Variants in PTPRU observed in about 807,000 individuals in gnomAD.
PTPRU encodes the protein receptor-type tyrosine-protein phosphatase U.
PTPRU carries 69 observed loss-of-function variants against 166.3 expected under a neutral mutation model. That is an observed-to-expected ratio of 0.41 (90% CI 0.34 to 0.51). PTPRU has a LOEUF of 0.51. PTPRU is among the 20% of genes least tolerant of loss of function. PTPRU has a pLI of 0.09. For synonymous variants in PTPRU, 793 were observed against 814.0 expected (o/e 0.97, Z 0.44); for missense variants, 1,657 against 2,013.7 (o/e 0.82, Z 3.39).
rs190340546 is a variant in PTPRU, at chr1:29,280,151, C to G, written c.1868+10C>G. ...GCGGTGCGCCCATCAGGTGGGAAAG[C>G]GGGGACGGAGGGGTGGGAGTCCAGG... On this transcript the variant is annotated intron_variant, in intron 11 of 29. Coordinates refer to ENST00000373779, the MANE Select transcript of PTPRU (RefSeq NM_133178.4). This position sits in a 1 kb window ranked among gnomAD's most constrained non-coding sequence, Gnocchi z 4.2. 1 of 1,602,294 alleles carries G rather than the reference C, an allele frequency of 6.2e-7. No individual in the cohort carries two copies.
At chr1:29,296,878 C>T (rs1316005341) in intron 15 of PTPRU, among the ~76,000 whole-genome samples, 3 of 151,696 alleles carry the variant, frequency 2.0e-5, no homozygotes, top group Non-Finnish European at 4.4e-5. Flanking sequence ...TTCAGGCTTT[C>T]TATTTTTTTA....
chr1:29,265,887 C>G (rs557244851), intron 7 of PTPRU, among the ~76,000 whole-genome samples: 1 of 151,912 alleles, frequency 6.6e-6, no homozygotes, highest in African/African-American at 2.4e-5. Context: ...TATGGACTTT[C>G]ACAGAACTAT....
At position 29,280,127 on chromosome 1, in the gene PTPRU, C is replaced by T. The variant is rs773799165; in HGVS notation, c.1854C>T (p.Arg618=). 28 of 1,612,160 alleles carry T rather than the reference C, an allele frequency of 1.7e-5. No individual in the cohort carries two copies. Among genetic ancestry groups the T allele is most frequent in the Admixed American group, 1.3e-4 (8 of 60,004 alleles). ...ITVLLRPAQG[R]GAPISVYQVI... is the part of the protein sequence containing the mutation. Reference sequence around the variant, plus strand: ...TGCTGCTGAGGCCGGCACAGGGCCGCGGTGCGCCCATCAGGTGGGAAAGCG... The same window carrying T: ...TGCTGCTGAGGCCGGCACAGGGCCGTGGTGCGCCCATCAGGTGGGAAAGCG... The change falls in exon 11 of 30, where the codon CGC becomes CGT. Residue 618 remains arginine (R), a synonymous_variant. Coordinates refer to ENST00000373779, the MANE Select transcript of PTPRU (RefSeq NM_133178.4). The surrounding 1 kb of genome is among the most constrained non-coding windows in gnomAD (Gnocchi z 4.2).
intron 7 of PTPRU, among the ~76,000 whole-genome samples, chr1:29,262,375 C>T (rs755198119): frequency 2.6e-5 from 4 of 152,068 alleles, no homozygotes; most frequent in African/African-American, 4.8e-5. Flanking sequence ...TTTTAGTATA[C>T]GGTAGTCCCC....
At position 29,284,861 on chromosome 1, in the gene PTPRU, C is replaced by A. The variant is rs770860645; in HGVS notation, c.2310C>A (p.Ile770=). The change falls in exon 14 of 30, where the codon ATC becomes ATA. Residue 770 remains isoleucine (I), a synonymous_variant. Transcript: ENST00000373779. ...TCCTGGGTGCCATCATTGTCATCAT[C>A]CGCAAAGGGTGAGTGAGGCCGGTGC... ...ILLLGAIIVI[I]RKGKPVNMTK... is the part of the protein sequence containing the mutation. 6.2e-7 allele frequency: 1 copy of A among 1,611,350 alleles called. No homozygotes were observed.
rs1687612250 is a variant in PTPRU, at chr1:29,310,671, G to T, written c.2821-73G>T. On this transcript the variant is annotated intron_variant, in intron 18 of 29. Transcript: ENST00000373779. Reference sequence around the variant, plus strand: ...GGTAGGGGTTCTGCTGCTGGGAGGGGAGGGTAGAGGAGGTGTGGGGGAGTG... The same window carrying T: ...GGTAGGGGTTCTGCTGCTGGGAGGGTAGGGTAGAGGAGGTGTGGGGGAGTG... The T allele has an allele frequency of 2.0e-6, 3 of 1,477,424 alleles. No individual in the cohort carries two copies. The African/African-American group carries it at 4.2e-5, about 20-fold the overall frequency. The allele number at this position is 1,477,424 out of a possible 1,614,324, so 91.5% of individuals were successfully genotyped here.
intron 12 of PTPRU, 170 bp from the exon 13 acceptor site, chr1:29,283,769 GC>G: frequency 1.4e-6 from 1 of 726,256 alleles, no homozygotes; most frequent in Middle Eastern, 2.7e-4. Flanking sequence ...TCCCCTCTAG[GC>G]CCCGCTCTCA....
At position 29,279,309 on chromosome 1, in the gene PTPRU, A is replaced by G; in HGVS notation, c.1564-147A>G. 1.9e-6 allele frequency: 2 copies of G among 1,038,784 alleles called. No individual in the cohort carries two copies. The highest frequency in any genetic ancestry group is 5.2e-5 in the East Asian group (2 of 38,600). The allele number at this position is 1,038,784 out of a possible 1,614,324, so 64.3% of individuals were successfully genotyped here. A position where few individuals can be genotyped will look rare whatever the true frequency, so the allele number is the denominator to read the frequency against. On this transcript the variant is annotated intron_variant, in intron 9 of 29. Transcript: ENST00000373779. The surrounding 1 kb of genome is among the most constrained non-coding windows in gnomAD (Gnocchi z 5.2). ...TCCTGAAGGCAGGAGGGAGAGCCGA[A>G]GATGACTAGAAGCCTGGCTTGATGG...
At chr1:29,318,267 G>T (rs896877214) in intron 25 of PTPRU, among the ~76,000 whole-genome samples, 3 of 152,214 alleles carry the variant, frequency 2.0e-5, no homozygotes, top group African/African-American at 7.2e-5. Flanking sequence ...ATGTCTGGAA[G>T]CAGGGGAGCT....
chr1:29,314,362 G>T (rs1324238162), intron 22 of PTPRU, among the ~76,000 whole-genome samples: 1 of 152,140 alleles, frequency 6.6e-6, no homozygotes, highest in Non-Finnish European at 1.5e-5. Flanking sequence ...CCCCACCAGG[G>T]GTATTTGGGG....
At chr1:29,297,770 A>G (rs1376125839) in intron 15 of PTPRU, among the ~76,000 whole-genome samples, 4 of 152,188 alleles carry the variant, frequency 2.6e-5, no homozygotes, top group Non-Finnish European at 5.9e-5. Flanking sequence ...TTCACTGATG[A>G]GTTGGGGAGT....
At position 29,304,845 on chromosome 1, in the gene PTPRU, T is replaced by C; in HGVS notation, c.2739T>C (p.Pro913=). The C allele has an allele frequency of 3.7e-6, 6 of 1,609,436 alleles. No homozygotes were observed. Among genetic ancestry groups the C allele is most frequent in the Non-Finnish European group, 5.1e-6 (6 of 1,176,328 alleles). ...KVKGSRQEPM[P]AYDRHRVKLH... is the part of the protein sequence containing the mutation. ...AGGGCAGCCGGCAGGAGCCAATGCCTGCCTGTGAGTCCTGGGGAAGGGCCT... is the reference window on the plus strand; with the variant it reads ...AGGGCAGCCGGCAGGAGCCAATGCCCGCCTGTGAGTCCTGGGGAAGGGCCT... Residue 913 remains proline (P), a synonymous_variant, in exon 17 of 30, where the codon CCT becomes CCC. Transcript: ENST00000373779.
chr1:29,255,357 G>A lies in PTPRU; in HGVS notation c.156G>A (p.Glu52=), dbSNP rs1558551779. ...CCCAGTACGATGACTTCCAGTGGGA[G>A]CAAGTGCGAATCCACCCTGGCACCC... ...SQAQYDDFQW[E]QVRIHPGTRA... is the part of the protein sequence containing the mutation. The change falls in exon 2 of 30, where the codon GAG becomes GAA. Residue 52 remains glutamate (E), a synonymous_variant. Transcript: ENST00000373779. 6.2e-7 allele frequency: 1 copy of A among 1,614,180 alleles called. No homozygotes were observed. The highest frequency in any genetic ancestry group is 8.5e-7 in the Non-Finnish European group (1 of 1,180,014).
chr1:29,317,455 A>G lies in PTPRU; in HGVS notation c.3514-293A>G, dbSNP rs1375876263. Among the ~76,000 whole-genome samples the G allele has an allele frequency of 6.6e-6, 1 of 152,140 alleles. No individual in the cohort carries two copies. The highest frequency in any genetic ancestry group is 1.9e-4 in the East Asian group (1 of 5,172). On this transcript the variant is annotated intron_variant, in intron 24 of 29. Coordinates refer to ENST00000373779, the MANE Select transcript of PTPRU (RefSeq NM_133178.4). The surrounding 1 kb of genome is among the most constrained non-coding windows in gnomAD (Gnocchi z 5.6). ...CTCCCAGCAGCCCCATGAAGTAGGC[A>G]TATTACTTCCCTATTTCACAGTCGA...
intron 1 of PTPRU, among the ~76,000 whole-genome samples, chr1:29,254,033 A>G (rs1684666541): frequency 6.6e-6 from 1 of 152,222 alleles, no homozygotes; most frequent in East Asian, 1.9e-4. Context: ...AAGCCCACTC[A>G]TTGATCCACC....
At position 29,321,366 on chromosome 1, in the gene PTPRU, C is replaced by A. The variant is rs568542516; in HGVS notation, c.3828+541C>A. ...ACAGTTGCTCTTTATTGGCCCCCTG[C>A]TAAGCCAGGGACTGCTTTGCACTCA... is the stretch of plus-strand genomic sequence containing the variant. On this transcript the variant is annotated intron_variant, in intron 26 of 29. Transcript: ENST00000373779. 7.2e-5 allele frequency among the ~76,000 whole-genome samples: 11 copies of A among 152,270 alleles called. No individual in the cohort carries two copies. In the South Asian group the frequency reaches 2.3e-3, roughly 32 times the overall value.
intron 14 of PTPRU, among the ~76,000 whole-genome samples, chr1:29,289,461 T>G (rs1686517761): frequency 6.6e-6 from 1 of 152,136 alleles, no homozygotes; most frequent in Non-Finnish European, 1.5e-5. Flanking sequence ...TCCTCACTCC[T>G]GCAGTAGGCT....
Position 29,260,882 on chromosome 1 carries a change from A to G in PTPRU, c.1123A>G (p.Ile375Val). The G allele has an allele frequency of 3.2e-6, 5 of 1,584,356 alleles. No individual in the cohort carries two copies. The highest frequency in any genetic ancestry group is 4.3e-6 in the Non-Finnish European group (5 of 1,167,876). ...CACTGGCCGCCCTGGGCCACCCCTC[A>G]TCAGCCGCACCAAATGCGCAGGTGG... ...GGTGRPGPPL[I>V]SRTKCAEPMR... is the part of the protein sequence containing the mutation. The change falls in exon 7 of 30, where the codon ATC (isoleucine) becomes GTC (valine). Residue 375 changes from isoleucine (I) to valine (V), a missense_variant. By Grantham distance (29) the Ile-to-Val change is conservative (BLOSUM62 3). Transcript: ENST00000373779. The surrounding 1 kb of genome is among the most constrained non-coding windows in gnomAD (Gnocchi z 8.3).
intron 18 of PTPRU, among the ~76,000 whole-genome samples, chr1:29,309,840 G>A (rs1039401085): frequency 6.6e-6 from 1 of 152,246 alleles, no homozygotes; most frequent in Non-Finnish European, 1.5e-5. Context: ...GAGCTGTGTT[G>A]AGGGTGTAAA....
Sources: gnomAD v4.1 joint callset for allele counts (sites outside exome capture counted in the v4.1 genomes callset) on GRCh38, gnomAD v4.1.1 for gene constraint, Gnocchi (gnomAD v3.1) non-coding constraint, MANE v1.5 for transcripts, NCBI Gene and HGNC (gene_info 2026-07-23, HGNC 2026-07-21) for gene names.